The following SCAF1 variants were observed in gnomAD, a reference collection of about 807,000 sequenced individuals.
SCAF1 encodes the protein splicing factor, arginine/serine-rich 19.
A neutral mutation model predicts 91.2 loss-of-function variants in SCAF1; 28 were observed. That is an observed-to-expected ratio of 0.31 (90% CI 0.23 to 0.42). The LOEUF is 0.42. Among genes scored for constraint, SCAF1 ranks in the 10% least tolerant of loss-of-function variants. The pLI is 1.00. For synonymous variants in SCAF1, 1,036 were observed against 833.7 expected (o/e 1.24, Z -4.18); for missense variants, 1,893 against 1,872.1 (o/e 1.01, Z -0.21).
chr19:49,652,837 C>T lies in SCAF1; in HGVS notation c.2448C>T (p.Gly816=), dbSNP rs1468984151. The T allele has an allele frequency of 1.2e-5, 19 of 1,613,956 alleles. No individual in the cohort carries two copies. The highest frequency in any genetic ancestry group is 2.7e-5 in the African/African-American group (2 of 74,928). The change falls in exon 7 of 11, where the codon GGC becomes GGT. Residue 816 remains glycine, a synonymous_variant. Transcript: ENST00000360565. ...CGCCAAAGCCACCAGTCAGCAGCGG[C>T]TCAGGCTCTTCATCCTCGTCGTCCT... is the stretch of plus-strand genomic sequence containing the variant. ...GPPPKPPVSS[G]SGSSSSSSSC...
Position 49,642,417 on chromosome 19 carries a change from C to T in SCAF1, c.-7+175C>T, listed in dbSNP as rs1009878189. On this transcript the variant is annotated intron_variant, in intron 1 of 10. Coordinates refer to ENST00000360565, the MANE Select transcript of SCAF1 (RefSeq NM_021228.3). The surrounding 1 kb of genome is among the most constrained non-coding windows in gnomAD (Gnocchi z 4.0). ...CGAAACCTGGCGCCGAGAGGGGGGC[C>T]TTCTCAGGGCCCCGGGACGCATCCG... 6.6e-6 allele frequency among the ~76,000 whole-genome samples: 1 copy of T among 152,152 alleles called. No individual in the cohort carries two copies. Among genetic ancestry groups the T allele is most frequent in the Non-Finnish European group, 1.5e-5 (1 of 68,016 alleles).
chr19:49,653,218 G>A lies in SCAF1; in HGVS notation c.2829G>A (p.Lys943=), dbSNP rs1294671638. Residue 943 remains lysine (K), a synonymous_variant, in exon 7 of 11, where the codon AAG becomes AAA. Coordinates refer to ENST00000360565, the MANE Select transcript of SCAF1 (RefSeq NM_021228.3). ...SGGSGGQVSL[K]KSKADSCSQA... is the part of the protein sequence containing the mutation. ...GCAGTGGTGGCCAGGTGTCGCTGAA[G>A]AAGTCCAAGGCGGATAGCTGCAGCC... is the stretch of plus-strand genomic sequence containing the variant. The A allele has an allele frequency of 6.5e-7, 1 of 1,527,744 alleles. No individual in the cohort carries two copies. The highest frequency in any genetic ancestry group is 8.8e-7 in the Non-Finnish European group (1 of 1,137,754). 94.6% of individuals were successfully genotyped at this position (1,527,744 alleles called of 1,614,324 possible). A position where few individuals can be genotyped will look rare whatever the true frequency, so the allele number is the denominator to read the frequency against.
Position 49,653,185 on chromosome 19 carries a change from C to T in SCAF1, c.2796C>T (p.Gly932=), listed in dbSNP as rs755528785. The part of the protein sequence containing the change: ...KTRKKVRSGG[G]SGGSGGQVSL... ...GGAAAAAGGTCCGCAGTGGAGGTGG[C>T]AGCGGGGGCAGTGGTGGCCAGGTGT... The change falls in exon 7 of 11, where the codon GGC becomes GGT. Residue 932 remains glycine (G), a synonymous_variant. Coordinates refer to ENST00000360565, the MANE Select transcript of SCAF1 (RefSeq NM_021228.3). 2 of 1,569,676 alleles carry T rather than the reference C, an allele frequency of 1.3e-6. No homozygotes were observed. The highest frequency in any genetic ancestry group is 1.4e-5 in the African/African-American group (1 of 73,866).
intron 1 of SCAF1, among the ~76,000 whole-genome samples, chr19:49,643,040 G>A (rs548259790): frequency 6.6e-6 from 1 of 152,322 alleles, no homozygotes; most frequent in African/African-American, 2.4e-5. Context: ...ATGCCTTTGG[G>A]GTCAGAGCAG....
At chr19:49,657,926 G>A (rs2081153436) in intron 10 of SCAF1, 37 bp downstream of exon 10, 3 of 1,602,140 alleles carry the variant, frequency 1.9e-6, no homozygotes, top group Admixed American at 1.7e-5. Context: ...ACAGGCCGGG[G>A]AGAGAACGAG....
Position 49,651,817 on chromosome 19 carries a change from C to G in SCAF1, c.1428C>G (p.Arg476=). Residue 476 remains arginine (R), a synonymous_variant, in exon 7 of 11, where the codon CGC becomes CGG. Coordinates refer to ENST00000360565, the MANE Select transcript of SCAF1 (RefSeq NM_021228.3). Reference sequence around the variant, plus strand: ...CCGCGCCGCCCGCCGCCGACTCGCGCTGGGGCGGCCTGGACCTGCGCCGCA... The same window carrying G: ...CCGCGCCGCCCGCCGCCGACTCGCGGTGGGGCGGCCTGGACCTGCGCCGCA... The part of the protein sequence containing the change: ...PAPAPPAADS[R]WGGLDLRRKI... 1 of 1,254,566 alleles carries G rather than the reference C, an allele frequency of 8.0e-7. No individual in the cohort carries two copies. The highest frequency in any genetic ancestry group is 1.0e-6 in the Non-Finnish European group (1 of 1,000,020). 77.7% of individuals were successfully genotyped at this position (1,254,566 alleles called of 1,614,324 possible). A position where few individuals can be genotyped will look rare whatever the true frequency, so the allele number is the denominator to read the frequency against.
Position 49,653,456 on chromosome 19 carries a change from G to A in SCAF1, c.3067G>A (p.Glu1023Lys). The A allele has an allele frequency of 6.5e-7, 1 of 1,542,896 alleles. No individual in the cohort carries two copies. The highest frequency in any genetic ancestry group is 8.7e-7 in the Non-Finnish European group (1 of 1,144,916). ...EEAGVRGGAEEEEEEEEEEEE... is the reference protein window; with the variant it reads ...EEAGVRGGAEKEEEEEEEEEE... ...GGCTGGGGTCCGAGGTGGGGCGGAG[G>A]AGGAGGAGGAGGAAGAAGAAGAGGA... The change falls in exon 7 of 11, where the codon GAG (glutamate) becomes AAG (lysine). Residue 1023 changes from glutamate to lysine, a missense_variant. Coordinates refer to ENST00000360565, the MANE Select transcript of SCAF1 (RefSeq NM_021228.3).
At position 49,646,429 on chromosome 19, in the gene SCAF1, G is replaced by T; in HGVS notation, c.262-97G>T. Reference sequence around the variant, plus strand: ...ATCCTCAGTTTTCTTGGGGATCTTAGATGTCTGGGTTCCTGAGAGGTTAGG... The same window carrying T: ...ATCCTCAGTTTTCTTGGGGATCTTATATGTCTGGGTTCCTGAGAGGTTAGG... On this transcript the variant is annotated intron_variant, in intron 4 of 10. Transcript: ENST00000360565. The surrounding 1 kb of genome is among the most constrained non-coding windows in gnomAD (Gnocchi z 5.6). 9.0e-7 allele frequency: 1 copy of T among 1,105,384 alleles called. No individual in the cohort carries two copies. Among genetic ancestry groups the T allele is most frequent in the Non-Finnish European group, 1.4e-6 (1 of 732,510 alleles). The allele number at this position is 1,105,384 out of a possible 1,614,324, so 68.5% of individuals were successfully genotyped here. A position where few individuals can be genotyped will look rare whatever the true frequency, so the allele number is the denominator to read the frequency against.
Position 49,645,170 on chromosome 19 carries a change from G to A in SCAF1, c.108+36G>A. On this transcript the variant is annotated intron_variant, in intron 2 of 10. Coordinates refer to ENST00000360565, the MANE Select transcript of SCAF1 (RefSeq NM_021228.3). The surrounding 1 kb of genome is among the most constrained non-coding windows in gnomAD (Gnocchi z 4.6). ...TGGGCTCCTGGCACTGAGGGATGGA[G>A]GAGCTGGGCATCCACACTCCAGGGG... The A allele has an allele frequency of 6.3e-7, 1 of 1,586,322 alleles. No individual in the cohort carries two copies. The highest frequency in any genetic ancestry group is 8.7e-7 in the Non-Finnish European group (1 of 1,155,692).
rs777290762 is a variant in SCAF1 at position 49,646,238 on chromosome 19, G to A, written c.261+36G>A. On this transcript the variant is annotated intron_variant, in intron 4 of 10. Coordinates refer to ENST00000360565, the MANE Select transcript of SCAF1 (RefSeq NM_021228.3). This position sits in a 1 kb window ranked among gnomAD's most constrained non-coding sequence, Gnocchi z 5.6. Reference sequence around the variant, plus strand: ...AGAGGGGGCTGGGGGCCTGGCTCACGGGTATCAGGGAGGAAGGGATGGGGG... The same window carrying A: ...AGAGGGGGCTGGGGGCCTGGCTCACAGGTATCAGGGAGGAAGGGATGGGGG... 1.7e-5 allele frequency: 26 copies of A among 1,544,076 alleles called. No individual in the cohort carries two copies. Among genetic ancestry groups the A allele is most frequent in the South Asian group, 2.2e-5 (2 of 89,298 alleles).
chr19:49,641,032 T>C (rs1410388731), upstream of SCAF1, among the ~76,000 whole-genome samples: 1 of 152,066 alleles, frequency 6.6e-6, no homozygotes, highest in Non-Finnish European at 1.5e-5. Context: ...GCCGGGGGCC[T>C]GGACTCTTAG....
Position 49,652,812 on chromosome 19 carries a change from C to A in SCAF1, c.2423C>A (p.Pro808Gln), listed in dbSNP as rs1244035883. 1.9e-6 allele frequency: 3 copies of A among 1,613,922 alleles called. No homozygotes were observed. The highest frequency in any genetic ancestry group is 2.5e-6 in the Non-Finnish European group (3 of 1,179,966). Residue 808 changes from proline to glutamine, a missense_variant, in exon 7 of 11, where the codon CCG becomes CAG. Transcript: ENST00000360565. ...PKESAPSSGP[P>Q]PKPPVSSGSG... Reference sequence around the variant, plus strand: ...GAGTCGGCGCCTTCCTCAGGGCCCCCGCCAAAGCCACCAGTCAGCAGCGGC... The same window carrying A: ...GAGTCGGCGCCTTCCTCAGGGCCCCAGCCAAAGCCACCAGTCAGCAGCGGC...
At position 49,653,641 on chromosome 19, in the gene SCAF1, GC is replaced by G; in HGVS notation, c.3257del (p.Pro1086ArgfsTer21). The G allele has an allele frequency of 1.9e-6, 3 of 1,585,882 alleles. No homozygotes were observed. Among genetic ancestry groups the G allele is most frequent in the Non-Finnish European group, 8.5e-7 (1 of 1,171,260 alleles). ...CCCGTGTCTCCCAGCTGCCCACGTT[GC>G]CCCCGCCCATGCCCTGGAATCTGCC... ...ASRVSQLPTL[P>X]PPMPWNLPAG... On this transcript the variant is annotated frameshift_variant, in exon 7 of 11. Coordinates refer to ENST00000360565, the MANE Select transcript of SCAF1 (RefSeq NM_021228.3). LOFTEE classifies it high-confidence loss of function.
rs757164662 is a variant in SCAF1 at position 49,652,843 on chromosome 19, C to G, written c.2454C>G (p.Gly818=). Residue 818 remains glycine (G), a synonymous_variant, in exon 7 of 11, where the codon GGC becomes GGG. Transcript: ENST00000360565. ...PPKPPVSSGS[G]SSSSSSSCSS... is the part of the protein sequence containing the mutation. ...AGCCACCAGTCAGCAGCGGCTCAGGCTCTTCATCCTCGTCGTCCTCCTGTT... is the reference window on the plus strand; with the variant it reads ...AGCCACCAGTCAGCAGCGGCTCAGGGTCTTCATCCTCGTCGTCCTCCTGTT... 3.1e-6 allele frequency: 5 copies of G among 1,614,076 alleles called. No individual in the cohort carries two copies. Among genetic ancestry groups the G allele is most frequent in the Non-Finnish European group, 4.2e-6 (5 of 1,180,002 alleles).
chr19:49,658,080 G>T, intron 10 of SCAF1, 128 bp from the exon 11 acceptor site: 1 of 1,235,082 alleles, frequency 8.1e-7, no homozygotes, highest in Non-Finnish European at 1.1e-6. Context: ...CGTCTAGGGG[G>T]ACAGAGGGAC....
At chr19:49,644,967 T>G in intron 1 of SCAF1, 54 bp from the exon 2 acceptor site, 1 of 1,328,816 alleles carries the variant, frequency 7.5e-7, no homozygotes, top group East Asian at 2.3e-5. Context: ...TATCCTCTAC[T>G]TCCATCCTTT....
Position 49,652,215 on chromosome 19 carries a change from G to A in SCAF1, c.1826G>A (p.Arg609Gln). The A allele has an allele frequency of 2.3e-6, 3 of 1,330,572 alleles. No individual in the cohort carries two copies. Among genetic ancestry groups the A allele is most frequent in the South Asian group, 1.8e-5 (1 of 54,660 alleles). 82.4% of individuals were successfully genotyped at this position (1,330,572 alleles called of 1,614,324 possible). The change falls in exon 7 of 11, where the codon CGG becomes CAG. Residue 609 changes from arginine to glutamine, a missense_variant. Arg to Gln is a conservative substitution (Grantham distance 43). Around this residue, in one of 5 missense-constraint regions of SCAF1, gnomAD observed 1,436 missense variants for 1,306.8 expected, o/e 1.10. Transcript: ENST00000360565. ...RSRSREKRRR[R>Q]RRSASPPPAT... ...CGGTCCCGGGAGAAGCGGCGACGGC[G>A]GCGGCGCTCCGCCTCCCCGCCCCCG...
In SCAF1 at chr19:49,647,663, G is replaced by A. The variant is rs527537416; in HGVS notation, c.478+833G>A. ...ATGTTTACCTTGTTTACCTTGTTTCGCTGTGTCGCCCAGGCTGGAGTGCAG... is the reference window on the plus strand; with the variant it reads ...ATGTTTACCTTGTTTACCTTGTTTCACTGTGTCGCCCAGGCTGGAGTGCAG... On this transcript the variant is annotated intron_variant, in intron 6 of 10. Transcript: ENST00000360565. Among the ~76,000 whole-genome samples, 52 of 152,270 alleles carry A rather than the reference G, an allele frequency of 3.4e-4. No homozygotes were observed. In the South Asian group the frequency reaches 4.4e-3, roughly 13 times the overall value.
Position 49,646,827 on chromosome 19 carries a change from A to G in SCAF1, c.475A>G (p.Thr159Ala), listed in dbSNP as rs771213045. 1.5e-5 allele frequency: 24 copies of G among 1,610,180 alleles called. No individual in the cohort carries two copies. In the South Asian group the frequency reaches 2.6e-4, roughly 18 times the overall value. The change falls in exon 6 of 11, where the codon ACG (threonine) becomes GCG (alanine). Residue 159 changes from threonine to alanine, a missense_variant. Thr to Ala is a moderately conservative substitution (Grantham distance 58, BLOSUM62 0). Around this residue, in one of 5 missense-constraint regions of SCAF1, gnomAD observed 270 missense variants for 292.5 expected, o/e 0.92. Transcript: ENST00000360565. The surrounding 1 kb of genome is among the most constrained non-coding windows in gnomAD (Gnocchi z 5.6). Reference sequence around the variant, plus strand: ...TCTCAGGGCCTGGAGGACGGGCAAAACGGGTATGTGGGGCCAGGGCGGAGC... The same window carrying G: ...TCTCAGGGCCTGGAGGACGGGCAAAGCGGGTATGTGGGGCCAGGGCGGAGC... ...PRLRAWRTGK[T>A]VSPQSNSSRP...
Sources: gnomAD v4.1 joint callset for allele counts (sites outside exome capture counted in the v4.1 genomes callset) on GRCh38, gnomAD v4.1.1 for gene constraint, gnomAD v4.1.1 regional missense constraint, Gnocchi (gnomAD v3.1) non-coding constraint, MANE v1.5 for transcripts, NCBI Gene and HGNC (gene_info 2026-07-23, HGNC 2026-07-21) for gene names.